PRR16: variants seen among roughly 807,000 people sequenced by gnomAD.
The protein encoded by PRR16 is proline rich 16, also known as protein Largen.
In PRR16, 6 loss-of-function variants were observed where a neutral mutation model predicts 18.2. That is an observed-to-expected ratio of 0.33 (90% CI 0.18 to 0.65). PRR16 has a LOEUF of 0.65. Among genes scored for constraint, PRR16 ranks in the 30% least tolerant of loss-of-function variants. The probability of loss-of-function intolerance (pLI) is 0.74; values close to 1 mark genes in which losing one functional copy is unlikely to be tolerated. For synonymous variants in PRR16, 151 were observed against 147.8 expected (o/e 1.02, Z -0.16); for missense variants, 412 against 376.6 (o/e 1.09, Z -0.78).
chr5:120,596,252 T>A (rs564020541), intron 1 of PRR16, among the ~76,000 whole-genome samples: 116 of 151,874 alleles, frequency 7.6e-4, no homozygotes, highest in South Asian at 4.8e-3. Flanking sequence ...AAAGTCTTTT[T>A]CTTTTCCTAC....
intron 1 of PRR16, among the ~76,000 whole-genome samples, chr5:120,518,583 G>A (rs945442377): frequency 6.7e-6 from 1 of 149,822 alleles, no homozygotes; most frequent in Non-Finnish European, 1.5e-5. Context: ...TTTTTTAATA[G>A]AGGCTGCTGG....
At chr5:120,479,903 A>C (rs1037265478) in intron 1 of PRR16, among the ~76,000 whole-genome samples, 1 of 152,176 alleles carries the variant, frequency 6.6e-6, no homozygotes, top group Non-Finnish European at 1.5e-5. Context: ...AAAAAAATAG[A>C]ATAAATTACT....
At chr5:120,722,400 TG>T in the PRR16 span, among the ~76,000 whole-genome samples, 3 of 152,066 alleles carry the variant, frequency 2.0e-5, no homozygotes. Context: ...TAAACTTTAA[TG>T]TAATAAATTA....
chr5:120,582,381 A>G (rs889621551), intron 1 of PRR16, among the ~76,000 whole-genome samples: 2 of 152,194 alleles, frequency 1.3e-5, no homozygotes, highest in Non-Finnish European at 2.9e-5. Context: ...AAGGTACACT[A>G]GAAACCTAAT....
At chr5:120,602,659 C>T (rs1023367328) in intron 1 of PRR16, among the ~76,000 whole-genome samples, 2 of 151,910 alleles carry the variant, frequency 1.3e-5, no homozygotes, top group African/African-American at 2.4e-5. Flanking sequence ...AAGAAAAATG[C>T]TTCAGCTTTT....
chr5:120,565,569 C>T (rs1752711299), intron 1 of PRR16, among the ~76,000 whole-genome samples: 2 of 152,166 alleles, frequency 1.3e-5, no homozygotes, highest in African/African-American at 4.8e-5. Flanking sequence ...AAAAATCATA[C>T]ATAATTGAAA....
At chr5:120,678,362 C>G (rs557798794) in intron 1 of PRR16, among the ~76,000 whole-genome samples, 1 of 152,110 alleles carries the variant, frequency 6.6e-6, no homozygotes, top group Admixed American at 6.5e-5. Flanking sequence ...TCAGACCTAA[C>G]CATGGAAAGC....
chr5:120,492,146 A>G (rs568771490), intron 1 of PRR16, among the ~76,000 whole-genome samples: 202 of 642 alleles, frequency 0.31, 2 homozygotes, highest in African/African-American at 0.44. Context: ...GGAGTGCAGT[A>G]GAATAAGGAT....
chr5:120,641,478 A>G (rs747475187), intron 1 of PRR16, among the ~76,000 whole-genome samples: 4 of 152,184 alleles, frequency 2.6e-5, no homozygotes, highest in Non-Finnish European at 4.4e-5. Flanking sequence ...TCCTTTAACT[A>G]TGTTATCCAG....
chr5:120,642,463 A>G (rs1039705764), intron 1 of PRR16, among the ~76,000 whole-genome samples: 1 of 152,052 alleles, frequency 6.6e-6, no homozygotes, highest in African/African-American at 2.4e-5. Context: ...AAGGTACCTC[A>G]GTGCATCTGC....
At chr5:120,674,823 A>T (rs1344255006) in intron 1 of PRR16, among the ~76,000 whole-genome samples, 1 of 151,658 alleles carries the variant, frequency 6.6e-6, no homozygotes, top group Non-Finnish European at 1.5e-5. Flanking sequence ...TATTTTTAAA[A>T]TGTATTTTTG....
At chr5:120,465,839 C>G (rs72786233) in intron 1 of PRR16, 30,656 of 152,240 alleles carry the variant, frequency 0.2, 3,267 homozygotes, top group South Asian at 0.25. Context: ...CTGAAGCCAA[C>G]GGGGAGGAGA....
At chr5:120,722,394 C>A in the PRR16 span, among the ~76,000 whole-genome samples, 2 of 151,952 alleles carry the variant, frequency 1.3e-5, no homozygotes, top group African/African-American at 4.8e-5. Flanking sequence ...TTATGTTAAA[C>A]TTTAATGTAA....
At chr5:120,702,772 G>A in the PRR16 span, among the ~76,000 whole-genome samples, 14 of 152,186 alleles carry the variant, frequency 9.2e-5, no homozygotes, top group Non-Finnish European at 1.8e-4. Context: ...TGGAGGGACA[G>A]TGAGAGAGGT....
At chr5:120,480,370 C>A (rs1749571646) in intron 1 of PRR16, among the ~76,000 whole-genome samples, 1 of 152,180 alleles carries the variant, frequency 6.6e-6, no homozygotes. Flanking sequence ...GCTCAGGTAA[C>A]CTAAGATTTA....
At chr5:120,709,188 T>C in the PRR16 span, among the ~76,000 whole-genome samples, 1 of 151,692 alleles carries the variant, frequency 6.6e-6, no homozygotes, top group Non-Finnish European at 1.5e-5. Context: ...TTTGTATTTT[T>C]AGTAGAGACG....
the PRR16 span, among the ~76,000 whole-genome samples, chr5:120,787,886 AC>A: frequency 6.6e-6 from 1 of 151,924 alleles, no homozygotes; most frequent in African/African-American, 2.4e-5. Context: ...ATAAAAGGAC[AC>A]CCTGTCCTCT....
intron 1 of PRR16, among the ~76,000 whole-genome samples, chr5:120,644,455 A>C (rs1170424229): frequency 6.6e-6 from 1 of 152,076 alleles, no homozygotes; most frequent in Non-Finnish European, 1.5e-5. Flanking sequence ...AAAGAACCTC[A>C]TGGGATTTGG....
At chr5:120,660,852 G>A (rs906080251) in intron 1 of PRR16, among the ~76,000 whole-genome samples, 5 of 151,988 alleles carry the variant, frequency 3.3e-5, no homozygotes, top group African/African-American at 9.7e-5. Flanking sequence ...AGCAAAAAAA[G>A]GATTTGAAAT....
Sources: allele counts gnomAD v4.1 joint callset (sites outside exome capture counted in the v4.1 genomes callset), GRCh38; gene constraint gnomAD v4.1.1; transcripts MANE v1.5; gene names NCBI Gene and HGNC (gene_info 2026-07-23, HGNC 2026-07-21).